Variants in CDH18 observed in about 807,000 individuals in gnomAD.
CDH18 encodes cadherin 18, also known as cadherin-18.
In CDH18, 31 loss-of-function variants were observed where a neutral mutation model predicts 67.9. The ratio of observed to expected loss-of-function variants is 0.46; its 90% CI spans 0.34 to 0.62. The LOEUF is 0.62. CDH18 is among the 20% of genes least tolerant of loss of function. The pLI is 0.01. For synonymous variants in CDH18, 362 were observed against 347.2 expected, an observed-to-expected ratio of 1.04 and a Z score of -0.48; for missense variants, 890 against 975.5, an observed-to-expected ratio of 0.91 and a Z score of 1.17.
chr5:19,665,882 T>TG (rs1313017249), intron 5 of CDH18, among the ~76,000 whole-genome samples: 2 of 150,860 alleles, frequency 1.3e-5, no homozygotes, highest in African/African-American at 5.0e-5. Flanking sequence ...AATGAGATAT[T>TG]GTAACACAGA....
chr5:20,105,852 A>C (rs1746886266), intron 2 of CDH18, among the ~76,000 whole-genome samples: 1 of 152,110 alleles, frequency 6.6e-6, no homozygotes, highest in Non-Finnish European at 1.5e-5. Context: ...TCTTTTGGCT[A>C]TTGTGAATAA....
intron 11 of CDH18, among the ~76,000 whole-genome samples, chr5:19,493,149 C>A (rs1311715248): frequency 2.0e-5 from 3 of 152,158 alleles, no homozygotes; most frequent in African/African-American, 7.2e-5. Flanking sequence ...CATGTTCTAC[C>A]ACTTTTAACA....
chr5:19,791,101 G>C (rs1343648233), intron 3 of CDH18, among the ~76,000 whole-genome samples: 1 of 152,070 alleles, frequency 6.6e-6, no homozygotes, highest in African/African-American at 2.4e-5. Flanking sequence ...CTCCAAGTAT[G>C]TATACTGTCT....
intron 1 of CDH18, among the ~76,000 whole-genome samples, chr5:20,522,201 C>T (rs1755783421): frequency 7.7e-6 from 1 of 129,898 alleles, no homozygotes; most frequent in East Asian, 2.7e-4. Context: ...AGTAACCAAA[C>T]CTGCTGACAC....
chr5:19,899,268 C>T (rs531429315), intron 2 of CDH18, among the ~76,000 whole-genome samples: 6 of 151,872 alleles, frequency 4.0e-5, no homozygotes, highest in African/African-American at 1.4e-4. Flanking sequence ...GGCATAGTGG[C>T]GGGTGCCTGT....
At chr5:20,160,016 A>G (rs187395939) in intron 2 of CDH18, among the ~76,000 whole-genome samples, 30 of 152,348 alleles carry the variant, frequency 2.0e-4, no homozygotes, top group African/African-American at 6.0e-4. Context: ...TATGTTGTTT[A>G]AAATTTGAAT....
At chr5:19,479,096 C>T (rs1738969104) in intron 12 of CDH18, among the ~76,000 whole-genome samples, 2 of 152,270 alleles carry the variant, frequency 1.3e-5, no homozygotes, top group East Asian at 3.9e-4. Flanking sequence ...TTTCAAAATT[C>T]TACAGAATGA....
At chr5:19,690,853 A>G (rs1761768930) in intron 5 of CDH18, among the ~76,000 whole-genome samples, 1 of 151,878 alleles carries the variant, frequency 6.6e-6, no homozygotes, top group Non-Finnish European at 1.5e-5. Flanking sequence ...CCACATGTAT[A>G]AAACAACATC....
intron 2 of CDH18, among the ~76,000 whole-genome samples, chr5:19,859,579 T>A (rs1784662710): frequency 6.6e-6 from 1 of 152,166 alleles, no homozygotes. Flanking sequence ...ATGAAACCTG[T>A]ATCCACAACT....
intron 2 of CDH18, among the ~76,000 whole-genome samples, chr5:20,129,401 T>C (rs2126465266): frequency 6.6e-6 from 1 of 152,192 alleles, no homozygotes; most frequent in South Asian, 2.1e-4. Flanking sequence ...TTACGTTCTA[T>C]TACAAGCAAT....
chr5:20,393,164 G>C (rs1372733865), intron 1 of CDH18, among the ~76,000 whole-genome samples: 1 of 151,870 alleles, frequency 6.6e-6, no homozygotes, highest in Non-Finnish European at 1.5e-5. Context: ...GAATAAACAA[G>C]TTTGTGAATG....
intron 2 of CDH18, among the ~76,000 whole-genome samples, chr5:20,212,584 C>A (rs763630790): frequency 1.1e-4 from 17 of 151,922 alleles, no homozygotes; most frequent in Non-Finnish European, 2.2e-4. Flanking sequence ...GATCTCTCAG[C>A]AGAAACTGCA....
At chr5:20,488,231 C>T (rs1208218594) in intron 1 of CDH18, among the ~76,000 whole-genome samples, 3 of 152,262 alleles carry the variant, frequency 2.0e-5, no homozygotes, top group African/African-American at 7.2e-5. Context: ...ATATGCATCA[C>T]TTGTAATTTT....
rs17219360 is a variant in CDH18 at position 19,579,034 on chromosome 5, G to C, written c.1000-7202C>G. Among the ~76,000 whole-genome samples, 1,088 of 151,930 alleles carry C rather than the reference G, an allele frequency of 7.2e-3. 14 individuals carry two copies. The highest frequency in any genetic ancestry group is 0.025 in the African/African-American group (1,030 of 41,486). ...TTTACTAAATATTCTATAGGCGCTT[G>C]AATTAAATGATATAGCCCCAGAATG... is the stretch of plus-strand genomic sequence containing the variant. On this transcript the variant is annotated intron_variant, in intron 7 of 12. Coordinates refer to ENST00000382275, the MANE Select transcript of CDH18 (RefSeq NM_004934.5).
chr5:20,498,995 C>G (rs922932070), intron 1 of CDH18, among the ~76,000 whole-genome samples: 2 of 152,016 alleles, frequency 1.3e-5, no homozygotes, highest in African/African-American at 2.4e-5. Flanking sequence ...CTCTGGGTTA[C>G]TGGTTTAGAA....
chr5:20,274,381 GA>G (rs1014667191), intron 1 of CDH18, among the ~76,000 whole-genome samples: 2 of 149,730 alleles, frequency 1.3e-5, no homozygotes, highest in East Asian at 1.9e-4. Context: ...ATCCCTTCCA[GA>G]AAAAAAACCT....
At chr5:19,917,789 C>G (rs1042874561) in intron 2 of CDH18, among the ~76,000 whole-genome samples, 8 of 152,150 alleles carry the variant, frequency 5.3e-5, no homozygotes, top group Non-Finnish European at 7.3e-5. Context: ...AGTTGATACT[C>G]TAAAAATATG....
chr5:19,766,871 C>T (rs1418269145), intron 3 of CDH18, among the ~76,000 whole-genome samples: 2 of 152,094 alleles, frequency 1.3e-5, no homozygotes, highest in African/African-American at 2.4e-5. Context: ...CCAAAGAATG[C>T]CTTGTCATTC....
chr5:20,244,786 C>T (rs1743249426), intron 2 of CDH18, among the ~76,000 whole-genome samples: 2 of 151,934 alleles, frequency 1.3e-5, no homozygotes, highest in South Asian at 4.1e-4. Context: ...ATGTCTTTTC[C>T]TCTGCATTCA....
Sources: allele counts gnomAD v4.1 joint callset (sites outside exome capture counted in the v4.1 genomes callset), GRCh38; gene constraint gnomAD v4.1.1; transcripts MANE v1.5; gene names NCBI Gene and HGNC (gene_info 2026-07-23, HGNC 2026-07-21).